NELL1: variants seen among roughly 807,000 people sequenced by gnomAD.
NELL1 encodes the protein neural EGFL like 1.
In NELL1, 76 loss-of-function variants were observed where a neutral mutation model predicts 107.4. The ratio of observed to expected loss-of-function variants is 0.71; its 90% confidence interval spans 0.59 to 0.86. NELL1 has a LOEUF of 0.86. NELL1 is among the 40% of genes least tolerant of loss of function. NELL1 has a pLI of 0.00. For synonymous variants in NELL1, 353 were observed against 341.2 expected (o/e 1.03, Z -0.38); for missense variants, 1,024 against 1,005.5 (o/e 1.02, Z -0.25).
chr11:20,871,482 C>G (rs1347360886), intron 4 of NELL1, among the ~76,000 whole-genome samples: 1 of 152,150 alleles, frequency 6.6e-6, no homozygotes, highest in Non-Finnish European at 1.5e-5. Context: ...ATGTATCTAT[C>G]TATCTAATCT....
intron 16 of NELL1, among the ~76,000 whole-genome samples, chr11:21,558,139 CAATT>C (rs1454133320): frequency 6.6e-6 from 1 of 151,824 alleles, no homozygotes; most frequent in Non-Finnish European, 1.5e-5. Context: ...AAGTGCTTAT[CAATT>C]AATTGATTGA....
At chr11:20,783,588 C>T (rs1856893278) in intron 2 of NELL1, 92 bp from the exon 3 acceptor site, 1 of 826,572 alleles carries the variant, frequency 1.2e-6, no homozygotes, top group Non-Finnish European at 1.8e-6. Context: ...CTTCTCATCT[C>T]CCCTCTCCTC....
intron 12 of NELL1, among the ~76,000 whole-genome samples, chr11:20,962,887 A>T (rs184118661): frequency 2.2e-4 from 34 of 152,186 alleles, no homozygotes; most frequent in African/African-American, 8.2e-4. Flanking sequence ...GGAGAGAAGG[A>T]TAGCACCTAA....
At position 21,278,538 on chromosome 11, in the gene NELL1, A is replaced by T. The variant is rs180807410; in HGVS notation, c.1549+49084A>T. Among the ~76,000 whole-genome samples, 229 of 152,316 alleles carry T rather than the reference A, an allele frequency of 1.5e-3. 2 individuals carry two copies. The highest frequency in any genetic ancestry group is 5.3e-3 in the African/African-American group (220 of 41,582). On this transcript the variant is annotated intron_variant, in intron 14 of 19. Transcript: ENST00000357134. ...TTTAAAATTAAAAACAATGCCGGTT[A>T]TATTAGCAACCCCAAAATGATATAC...
At chr11:20,922,129 A>T (rs1420054608) in intron 7 of NELL1, among the ~76,000 whole-genome samples, 1 of 152,030 alleles carries the variant, frequency 6.6e-6, no homozygotes, top group Non-Finnish European at 1.5e-5. Context: ...ATCTTTATAT[A>T]GGGGTTTGCT....
At chr11:21,206,774 A>G (rs1433837633) in intron 13 of NELL1, among the ~76,000 whole-genome samples, 2 of 152,196 alleles carry the variant, frequency 1.3e-5, no homozygotes, top group Non-Finnish European at 2.9e-5. Flanking sequence ...GGAAAGAACA[A>G]CATGTTCATA....
intron 15 of NELL1, among the ~76,000 whole-genome samples, chr11:21,467,908 T>A (rs72955252): frequency 6.6e-6 from 1 of 152,154 alleles, no homozygotes; most frequent in Non-Finnish European, 1.5e-5. Flanking sequence ...TACTCTATTT[T>A]TCTCTAAGAC....
chr11:21,556,894 C>T (rs966132509), intron 16 of NELL1, among the ~76,000 whole-genome samples: 1 of 151,884 alleles, frequency 6.6e-6, no homozygotes, highest in African/African-American at 2.4e-5. Context: ...ACGAAATACT[C>T]AAATACTTCG....
At chr11:20,789,486 C>A (rs1212825613) in intron 3 of NELL1, among the ~76,000 whole-genome samples, 1 of 152,212 alleles carries the variant, frequency 6.6e-6, no homozygotes, top group Non-Finnish European at 1.5e-5. Flanking sequence ...GGAGTCACAG[C>A]CCTGGCTCGG....
intron 13 of NELL1, among the ~76,000 whole-genome samples, chr11:21,221,807 C>T (rs1857764038): frequency 6.6e-6 from 1 of 152,118 alleles, no homozygotes; most frequent in South Asian, 2.1e-4. Context: ...ATCCTCCCAC[C>T]TCAGCCTCCC....
chr11:20,797,703 G>A (rs761013657), intron 3 of NELL1, among the ~76,000 whole-genome samples: 1 of 152,062 alleles, frequency 6.6e-6, no homozygotes, highest in African/African-American at 2.4e-5. Context: ...GAGTAGACTG[G>A]ATGTAGTTCT....
chr11:21,002,620 C>CT (rs1852247979), intron 12 of NELL1, among the ~76,000 whole-genome samples: 2 of 152,186 alleles, frequency 1.3e-5, no homozygotes, highest in Admixed American at 1.3e-4. Flanking sequence ...CAACAACAGT[C>CT]TACCCTGCTC....
At chr11:20,754,116 G>A (rs548201453) in intron 2 of NELL1, among the ~76,000 whole-genome samples, 1 of 152,154 alleles carries the variant, frequency 6.6e-6, no homozygotes. Context: ...GGTGAGTGGT[G>A]GATCTCCAGA....
At chr11:20,809,064 A>G (rs1174298204) in intron 3 of NELL1, among the ~76,000 whole-genome samples, 2 of 152,154 alleles carry the variant, frequency 1.3e-5, no homozygotes, top group African/African-American at 4.8e-5. Context: ...GTAGGCTTCT[A>G]TTCGGTCATC....
chr11:20,981,028 G>A (rs1851738555), intron 12 of NELL1, among the ~76,000 whole-genome samples: 1 of 152,168 alleles, frequency 6.6e-6, no homozygotes. Context: ...GAGCCCACTT[G>A]CTGACATGTA....
At chr11:20,822,978 G>A (rs537335625) in intron 3 of NELL1, among the ~76,000 whole-genome samples, 1 of 152,188 alleles carries the variant, frequency 6.6e-6, no homozygotes, top group Non-Finnish European at 1.5e-5. Context: ...AGCTTGGCTT[G>A]GAAAGCTGAA....
At position 21,416,834 on chromosome 11, in the gene NELL1, G is replaced by A. The variant is rs74477255; in HGVS notation, c.1645+45886G>A. ...CATATGGAAAAATTCTAGGTCCTTT[G>A]TTTTCCTTCAATATTTAGTTGAGTC... On this transcript the variant is annotated intron_variant, in intron 15 of 19. Transcript: ENST00000357134. 0.048 allele frequency among the ~76,000 whole-genome samples: 7,313 copies of A among 152,052 alleles called. 1,049 individuals are homozygous for A. In the East Asian group the frequency reaches 0.49, roughly 10 times the overall value.
chr11:21,104,841 T>C (rs1854908369), intron 12 of NELL1, among the ~76,000 whole-genome samples: 2 of 152,190 alleles, frequency 1.3e-5, no homozygotes, highest in Admixed American at 1.3e-4. Flanking sequence ...TGGAGGCTGA[T>C]AGTCTGGGCG....
chr11:21,534,774 C>T (rs1163623089), intron 16 of NELL1, among the ~76,000 whole-genome samples: 3 of 152,036 alleles, frequency 2.0e-5, no homozygotes, highest in African/African-American at 7.2e-5. Context: ...TAAGGAAAAC[C>T]TTAGTCTTCT....
Sources: gnomAD v4.1 joint callset for allele counts (sites outside exome capture counted in the v4.1 genomes callset) on GRCh38, gnomAD v4.1.1 for gene constraint, MANE v1.5 for transcripts, NCBI Gene and HGNC (gene_info 2026-07-23, HGNC 2026-07-21) for gene names.